The following GALNT17 variants were observed in gnomAD, a reference collection of about 807,000 sequenced individuals.
GALNT17 encodes the protein UDP-GalNAc:polypeptide N-acetylgalactosaminyltransferase-like 3.
In GALNT17, 29 loss-of-function variants were observed where a neutral mutation model predicts 63.7. The observed-to-expected ratio is 0.46, with a 90% CI of 0.34 to 0.62. The LOEUF (loss-of-function observed/expected upper bound fraction) is 0.62. Ranked by LOEUF, GALNT17 falls within the 20% of genes least tolerant of loss-of-function variation. The probability of loss-of-function intolerance (pLI) is 0.01; values close to 1 mark genes in which losing one functional copy is unlikely to be tolerated. For missense variants in GALNT17, 603 were observed against 799.6 expected (o/e 0.75, Z 2.97); for synonymous variants, 305 against 318.3 (o/e 0.96, Z 0.45).
In GALNT17 at chr7:71,217,562, CCTCTAT is replaced by C. The variant is rs111746192; in HGVS notation, c.238+84523_238+84528del. Among the ~76,000 whole-genome samples, 10 of 151,914 alleles carry C rather than the reference CCTCTAT, an allele frequency of 6.6e-5. 1 individual carries two copies. Among genetic ancestry groups the C allele is most frequent in the African/African-American group, 2.4e-4 (10 of 41,476 alleles). ...TTTCTTTTTTTTGTTGTTGTTCTTA[CCTCTAT>C]AAGTCATGCCCTCCTTTTTATTTAT... On this transcript the variant is annotated intron_variant, in intron 1 of 10. Transcript: ENST00000333538.
intron 1 of GALNT17, among the ~76,000 whole-genome samples, chr7:71,276,422 C>T (rs991104479): frequency 6.6e-6 from 1 of 152,202 alleles, no homozygotes; most frequent in South Asian, 2.1e-4. Context: ...CTCTTTGTCC[C>T]CCACAAATCT....
intron 5 of GALNT17, among the ~76,000 whole-genome samples, chr7:71,548,240 T>TA (rs1789018868): frequency 2.0e-4 from 26 of 129,272 alleles, no homozygotes; most frequent in Admixed American, 4.0e-4. Flanking sequence ...GGAGTCTGTC[T>TA]CAAAAAAAAA....
At chr7:71,157,768 C>T (rs1321529916) in intron 1 of GALNT17, among the ~76,000 whole-genome samples, 2 of 151,634 alleles carry the variant, frequency 1.3e-5, no homozygotes, top group African/African-American at 4.9e-5. Context: ...TTTTCTCCAC[C>T]ATTCCTCCCT....
intron 2 of GALNT17, among the ~76,000 whole-genome samples, chr7:71,384,583 A>C (rs866314024): frequency 6.6e-6 from 1 of 152,212 alleles, no homozygotes; most frequent in Admixed American, 6.5e-5. Flanking sequence ...ACGGACCTTC[A>C]TCAGCGGTAA....
chr7:71,670,180 A>G (rs1791047817), intron 8 of GALNT17, 71 bp downstream of exon 8: 2 of 1,595,546 alleles, frequency 1.3e-6, no homozygotes, highest in African/African-American at 1.3e-5. Flanking sequence ...CGCTGGGGAG[A>G]AATAGAGTTG....
chr7:71,703,708 G>A (rs1562743356), intron 9 of GALNT17, among the ~76,000 whole-genome samples: 1 of 152,202 alleles, frequency 6.6e-6, no homozygotes, highest in Non-Finnish European at 1.5e-5. Context: ...TAAGAGATAA[G>A]TAGAGCTGTG....
chr7:71,362,529 A>G (rs987267742), intron 2 of GALNT17, among the ~76,000 whole-genome samples: 2 of 152,158 alleles, frequency 1.3e-5, no homozygotes, highest in Admixed American at 6.5e-5. Flanking sequence ...CTTCCTGCAA[A>G]TATCAAGATT....
intron 1 of GALNT17, among the ~76,000 whole-genome samples, chr7:71,217,880 A>T (rs1055012088): frequency 4.0e-5 from 6 of 151,874 alleles, no homozygotes; most frequent in African/African-American, 1.5e-4. Flanking sequence ...ATGAGCCGAG[A>T]TCGCACCACT....
At chr7:71,361,330 G>T (rs1442175487) in intron 2 of GALNT17, among the ~76,000 whole-genome samples, 1 of 152,176 alleles carries the variant, frequency 6.6e-6, no homozygotes, top group Non-Finnish European at 1.5e-5. Context: ...TGTGATATGG[G>T]TGCCTACAGA....
intron 1 of GALNT17, among the ~76,000 whole-genome samples, chr7:71,193,066 C>CATTTATTT (rs138751530): frequency 3.1e-4 from 44 of 140,684 alleles, no homozygotes; most frequent in Non-Finnish European, 4.2e-4. Flanking sequence ...CATCATCTAC[C>CATTTATTT]ATTTATTTAT....
intron 5 of GALNT17, among the ~76,000 whole-genome samples, chr7:71,559,618 C>T (rs1259752156): frequency 6.6e-6 from 1 of 152,106 alleles, no homozygotes; most frequent in Non-Finnish European, 1.5e-5. Context: ...TCCCACCATT[C>T]TGAGAGGCCA....
chr7:71,710,443 G>T (rs1430512576), intron 9 of GALNT17, among the ~76,000 whole-genome samples: 1 of 152,186 alleles, frequency 6.6e-6, no homozygotes, highest in Non-Finnish European at 1.5e-5. Flanking sequence ...GGGAAGCGGA[G>T]GTTGCAGTGA....
At position 71,258,344 on chromosome 7, in the gene GALNT17, A is replaced by G. The variant is rs148608526; in HGVS notation, c.239-77206A>G. The stretch of plus-strand genomic sequence containing the variant: ...ATTCATGGTCAAGAGTGAACTCTTC[A>G]TGCTTCATGAAATCTTCCACGGTTT... On this transcript the variant is annotated intron_variant, in intron 1 of 10. Transcript: ENST00000333538. Among the ~76,000 whole-genome samples, 213 of 152,378 alleles carry G rather than the reference A, an allele frequency of 1.4e-3. 2 individuals are homozygous for G. Among genetic ancestry groups the G allele is most frequent in the African/African-American group, 5.0e-3 (208 of 41,600 alleles).
intron 5 of GALNT17, among the ~76,000 whole-genome samples, chr7:71,443,728 CTTT>C (rs58018182): frequency 6.9e-6 from 1 of 145,070 alleles, no homozygotes; most frequent in Non-Finnish European, 1.5e-5. Flanking sequence ...TGAGGTGTTC[CTTT>C]TTTTTTTTTT....
chr7:71,280,040 C>T (rs1378842623), intron 1 of GALNT17, among the ~76,000 whole-genome samples: 1 of 151,858 alleles, frequency 6.6e-6, no homozygotes, highest in African/African-American at 2.4e-5. Context: ...TTTAATTTGT[C>T]TGGGTTACTG....
intron 9 of GALNT17, among the ~76,000 whole-genome samples, chr7:71,703,597 C>T (rs1525727): frequency 0.65 from 98,233 of 152,076 alleles, 32,211 homozygotes; most frequent in East Asian, 0.92. Flanking sequence ...ACACTCAAAC[C>T]GCATCACCTG....
intron 3 of GALNT17, among the ~76,000 whole-genome samples, chr7:71,395,010 G>A (rs1341865902): frequency 6.6e-6 from 1 of 152,060 alleles, no homozygotes; most frequent in Non-Finnish European, 1.5e-5. Context: ...ATGGGGGCAG[G>A]AGAATCACTT....
intron 1 of GALNT17, among the ~76,000 whole-genome samples, chr7:71,211,607 A>G (rs1789379327): frequency 1.3e-5 from 2 of 152,218 alleles, no homozygotes; most frequent in Non-Finnish European, 2.9e-5. Flanking sequence ...AGAAGAAGAT[A>G]GGAAAATGTG....
At chr7:71,571,253 C>G in intron 5 of GALNT17, 32 bp from the exon 6 acceptor site, 1 of 1,599,140 alleles carries the variant, frequency 6.3e-7, no homozygotes, top group Non-Finnish European at 8.6e-7. Context: ...ACTGACACCT[C>G]AATGAGCTTC....
Sources: allele counts gnomAD v4.1 joint callset (sites outside exome capture counted in the v4.1 genomes callset), GRCh38; gene constraint gnomAD v4.1.1; transcripts MANE v1.5; gene names NCBI Gene and HGNC (gene_info 2026-07-23, HGNC 2026-07-21).